FAM13A: variants seen among roughly 807,000 people sequenced by gnomAD.
FAM13A encodes family with sequence similarity 13 member A.
Under a neutral mutation model 129.6 loss-of-function variants are expected in FAM13A, and 76 were observed. The observed-to-expected ratio is 0.59, with a 90% confidence interval of 0.49 to 0.71. FAM13A has a LOEUF of 0.71. Ranked by LOEUF, FAM13A falls within the 30% of genes least tolerant of loss-of-function variation. The pLI, the probability that FAM13A is intolerant of heterozygous loss-of-function variation, is 0.00. For missense variants in FAM13A, 1,108 were observed against 1,249.3 expected, an observed-to-expected ratio of 0.89 and a Z score of 1.70; for synonymous variants, 443 against 449.9, an observed-to-expected ratio of 0.98 and a Z score of 0.20.
intron 3 of FAM13A, among the ~76,000 whole-genome samples, chr4:89,016,502 C>T (rs747769847): frequency 6.6e-6 from 1 of 152,202 alleles, no homozygotes; most frequent in Non-Finnish European, 1.5e-5. Context: ...CATATTCACT[C>T]ACCACTCACT....
intron 5 of FAM13A, among the ~76,000 whole-genome samples, chr4:88,910,905 C>T (rs1579234260): frequency 6.6e-6 from 1 of 152,310 alleles, no homozygotes; most frequent in South Asian, 2.1e-4. Context: ...GCCTCAGCCT[C>T]CCAAAGTGCT....
intron 21 of FAM13A, among the ~76,000 whole-genome samples, chr4:88,737,216 C>A (rs1319463101): frequency 6.6e-6 from 1 of 151,888 alleles, no homozygotes; most frequent in East Asian, 1.9e-4. Flanking sequence ...AAAAACAAAA[C>A]AACAACAGAC....
chr4:88,850,911 T>A (rs1206401070), intron 7 of FAM13A, 109 bp downstream of exon 7: 117 of 941,338 alleles, frequency 1.2e-4, no homozygotes. Context: ...CTGATCTATA[T>A]CCTGTAAACT....
chr4:88,828,823 T>A (rs531855686), intron 7 of FAM13A, among the ~76,000 whole-genome samples: 1 of 152,354 alleles, frequency 6.6e-6, no homozygotes, highest in African/African-American at 2.4e-5. Flanking sequence ...GCTTAAGGAA[T>A]AAACTACCTG....
intron 3 of FAM13A, among the ~76,000 whole-genome samples, chr4:88,997,699 T>C (rs1193692794): frequency 1.3e-5 from 2 of 152,210 alleles, no homozygotes; most frequent in African/African-American, 4.8e-5. Flanking sequence ...GAAGTTATAC[T>C]GTACTCATAA....
At chr4:89,018,851 T>G (rs1766870943) in intron 3 of FAM13A, among the ~76,000 whole-genome samples, 1 of 152,216 alleles carries the variant, frequency 6.6e-6, no homozygotes, top group Non-Finnish European at 1.5e-5. Flanking sequence ...GTGCCCTGGG[T>G]GGCAGCACAA....
At chr4:88,873,775 T>C (rs1376806679) in intron 6 of FAM13A, among the ~76,000 whole-genome samples, 1 of 152,170 alleles carries the variant, frequency 6.6e-6, no homozygotes, top group East Asian at 1.9e-4. Flanking sequence ...GAATCCTCCC[T>C]AACTCATTTT....
chr4:88,838,583 C>A (rs10011267), intron 7 of FAM13A, among the ~76,000 whole-genome samples: 20 of 151,740 alleles, frequency 1.3e-4, no homozygotes, highest in African/African-American at 4.8e-4. Flanking sequence ...AAAAATTAGC[C>A]GGGCGTGGTG....
intron 4 of FAM13A, among the ~76,000 whole-genome samples, chr4:88,968,819 C>T (rs763844524): frequency 6.2e-4 from 95 of 152,098 alleles, no homozygotes; most frequent in Non-Finnish European, 1.0e-3. Flanking sequence ...TTTGCCTCCA[C>T]ATTCATTCTC....
rs1754135199 is a variant in FAM13A at position 88,938,111 on chromosome 4, G to T, written c.736C>A (p.Leu246Met). The change falls in exon 5 of 24, where the codon CTG becomes ATG. Residue 246 changes from leucine to methionine, a missense_variant. Coordinates refer to ENST00000264344, the MANE Select transcript of FAM13A (RefSeq NM_014883.4). ...TENDHLRCEN[L>M]ARLIIVKEVY... ...ACTTTTACTATGATAAGCCTAGCCAGGTTTTCACATCTCAGATGATCATTT... is the reference window on the plus strand; with the variant it reads ...ACTTTTACTATGATAAGCCTAGCCATGTTTTCACATCTCAGATGATCATTT... 6.2e-7 allele frequency: 1 copy of T among 1,613,318 alleles called. No individual in the cohort carries two copies. Among genetic ancestry groups the T allele is most frequent in the Admixed American group, 1.7e-5 (1 of 59,972 alleles).
At chr4:88,823,819 C>G (rs1171422875) in intron 7 of FAM13A, among the ~76,000 whole-genome samples, 1 of 152,188 alleles carries the variant, frequency 6.6e-6, no homozygotes, top group Non-Finnish European at 1.5e-5. Context: ...GCACGTAGCT[C>G]CACTTCTGGG....
intron 2 of FAM13A, among the ~76,000 whole-genome samples, chr4:89,022,409 T>C (rs1351569540): frequency 6.6e-6 from 1 of 152,184 alleles, no homozygotes; most frequent in African/African-American, 2.4e-5. Flanking sequence ...TACATATTAT[T>C]TGGCTGTGAA....
At chr4:88,953,215 G>A in intron 4 of FAM13A, among the ~76,000 whole-genome samples, 1 of 152,010 alleles carries the variant, frequency 6.6e-6, no homozygotes, top group Non-Finnish European at 1.5e-5. Context: ...AGCACTTTGG[G>A]AAACCGAGGC....
At chr4:88,923,007 T>C in intron 5 of FAM13A, among the ~76,000 whole-genome samples, 1 of 152,038 alleles carries the variant, frequency 6.6e-6, no homozygotes, top group African/African-American at 2.4e-5. Flanking sequence ...CAGGAAGAAG[T>C]TGAATCTCTG....
chr4:88,946,753 A>G (rs1286019931), intron 4 of FAM13A, among the ~76,000 whole-genome samples: 1 of 151,908 alleles, frequency 6.6e-6, no homozygotes, highest in Non-Finnish European at 1.5e-5. Context: ...CTGGCTAAGG[A>G]GCCAGAGTTA....
At chr4:88,846,448 C>T (rs1004433852) in intron 7 of FAM13A, among the ~76,000 whole-genome samples, 4 of 152,176 alleles carry the variant, frequency 2.6e-5, no homozygotes, top group African/African-American at 9.7e-5. Context: ...AATCACCTTT[C>T]GTGAGAACCT....
chr4:88,820,645 T>C (rs1368117374), intron 7 of FAM13A, among the ~76,000 whole-genome samples: 1 of 152,190 alleles, frequency 6.6e-6, no homozygotes, highest in East Asian at 1.9e-4. Flanking sequence ...GCTATAATCA[T>C]TAACTAGAAT....
intron 8 of FAM13A, among the ~76,000 whole-genome samples, chr4:88,791,374 G>C (rs1725115023): frequency 6.6e-6 from 1 of 152,018 alleles, no homozygotes; most frequent in Non-Finnish European, 1.5e-5. Context: ...ACACTATCAG[G>C]TTAGCATGCT....
intron 7 of FAM13A, among the ~76,000 whole-genome samples, chr4:88,850,391 C>G (rs1245679173): frequency 2.0e-5 from 3 of 151,972 alleles, no homozygotes; most frequent in Non-Finnish European, 2.9e-5. Context: ...CCCATCTCTA[C>G]TAAAAATACA....
Sources: allele counts gnomAD v4.1 joint callset (sites outside exome capture counted in the v4.1 genomes callset), GRCh38; gene constraint gnomAD v4.1.1; transcripts MANE v1.5; gene names NCBI Gene and HGNC (gene_info 2026-07-23, HGNC 2026-07-21).